ATP8B4: variants seen among roughly 807,000 people sequenced by gnomAD.
The protein encoded by ATP8B4 is ATPase phospholipid transporting 8B4 (putative).
A neutral mutation model predicts 145.6 loss-of-function variants in ATP8B4; 133 were observed. The ratio of observed to expected loss-of-function variants is 0.91; its 90% CI spans 0.79 to 1.05. The LOEUF (loss-of-function observed/expected upper bound fraction) is 1.05, where lower values mean the gene tolerates loss of function less well. Ranked by LOEUF, ATP8B4 falls within the 50% of genes least tolerant of loss-of-function variation. The probability of loss-of-function intolerance (pLI) is 0.00; values close to 1 mark genes in which losing one functional copy is unlikely to be tolerated. For synonymous variants in ATP8B4, 507 were observed against 492.9 expected (o/e 1.03, Z -0.38); for missense variants, 1,458 against 1,425.2 (o/e 1.02, Z -0.37).
chr15:50,054,783 CAAAAAAA>C (rs55783703), intron 3 of ATP8B4, among the ~76,000 whole-genome samples: 2 of 81,836 alleles, frequency 2.4e-5, no homozygotes, highest in Admixed American at 1.8e-4. Context: ...GACTCCGCCT[CAAAAAAA>C]AAAAAAAAAA....
chr15:50,148,840 T>C (rs1485766483), intron 1 of ATP8B4, among the ~76,000 whole-genome samples: 2 of 152,230 alleles, frequency 1.3e-5, no homozygotes, highest in African/African-American at 4.8e-5. Context: ...TCCCAAGTGT[T>C]ATAATTCTGT....
chr15:50,037,464 C>T (rs1183300010), intron 6 of ATP8B4, among the ~76,000 whole-genome samples: 1 of 152,186 alleles, frequency 6.6e-6, no homozygotes, highest in African/African-American at 2.4e-5. Context: ...TACAGAACTC[C>T]TTTAACTTTC....
chr15:50,148,096 GAGA>G lies in ATP8B4; in HGVS notation c.-43+34162_-43+34164del, dbSNP rs148982609. 6.8e-3 allele frequency among the ~76,000 whole-genome samples: 1,036 copies of G among 152,234 alleles called. 6 individuals carry two copies. The highest frequency in any genetic ancestry group is 0.024 in the African/African-American group (1,000 of 41,540). ...CAGATGCCTCCTGGTCTGACACACTGAGAAGGACAGAACACCACTTCTTTAGTG... is the reference window on the plus strand; with the variant it reads ...CAGATGCCTCCTGGTCTGACACACTGAGGACAGAACACCACTTCTTTAGTG... On this transcript the variant is annotated intron_variant, in intron 1 of 3. Transcript: ENST00000558829.
At chr15:50,168,353 T>A (rs770224221) in intron 1 of ATP8B4, among the ~76,000 whole-genome samples, 5 of 151,514 alleles carry the variant, frequency 3.3e-5, no homozygotes, top group Non-Finnish European at 5.9e-5. Flanking sequence ...ACAAATACTG[T>A]GAGTGCCCCA....
In ATP8B4 at chr15:50,002,202, T is replaced by G. The variant is rs770659211; in HGVS notation, c.457A>C (p.Ser153Arg). 1 of 1,610,846 alleles carries G rather than the reference T, an allele frequency of 6.2e-7. No individual in the cohort carries two copies. Residue 153 changes from serine to arginine, a missense_variant, in exon 8 of 28, where the codon AGT (serine) becomes CGT (arginine). Coordinates refer to ENST00000284509, the MANE Select transcript of ATP8B4 (RefSeq NM_024837.4). ...TAACAGAGACCATGTGGCTCACTAC[T>G]TGATAGGAGAAGTAAATCAGCCTAT... is the stretch of plus-strand genomic sequence containing the variant. ...FVAADLLLLS[S>R]SEPHGLCYVE...
At chr15:50,116,772 G>C (rs1308340426) in intron 1 of ATP8B4, among the ~76,000 whole-genome samples, 7 of 151,954 alleles carry the variant, frequency 4.6e-5, no homozygotes, top group Admixed American at 3.9e-4. Context: ...CCCGGCACTG[G>C]GTAGGTACTC....
chr15:50,038,250 TC>T (rs2050989511), intron 6 of ATP8B4, among the ~76,000 whole-genome samples: 1 of 152,194 alleles, frequency 6.6e-6, no homozygotes, highest in Admixed American at 6.5e-5. Flanking sequence ...CTAGCACTGT[TC>T]CCACAAATAC....
intron 6 of ATP8B4, among the ~76,000 whole-genome samples, chr15:50,023,929 T>C (rs1000134039): frequency 1.3e-5 from 2 of 152,118 alleles, no homozygotes; most frequent in African/African-American, 4.8e-5. Flanking sequence ...TCTAGTACAT[T>C]AGTTATCTGA....
intron 25 of ATP8B4, among the ~76,000 whole-genome samples, chr15:49,875,790 C>T (rs577541167): frequency 1.3e-5 from 2 of 152,266 alleles, no homozygotes; most frequent in South Asian, 4.1e-4. Flanking sequence ...AAAAAATCAT[C>T]CCCACCAGAA....
intron 3 of ATP8B4, 110 bp from the exon 4 acceptor site, chr15:50,047,574 CT>C (rs1170037337): frequency 1.4e-6 from 1 of 716,706 alleles, no homozygotes; most frequent in Non-Finnish European, 2.4e-6. Context: ...AGCCGGTTAT[CT>C]AGGAAATTTC....
intron 14 of ATP8B4, among the ~76,000 whole-genome samples, chr15:49,952,044 G>A (rs2043150850): frequency 6.6e-6 from 1 of 152,194 alleles, no homozygotes; most frequent in Non-Finnish European, 1.5e-5. Flanking sequence ...GGCTTGTAGA[G>A]TTTCTGCTGA....
chr15:49,946,061 T>C lies in ATP8B4; in HGVS notation c.1288-11879A>G, dbSNP rs2042536958. On this transcript the variant is annotated intron_variant, in intron 14 of 27. Transcript: ENST00000284509. The stretch of plus-strand genomic sequence containing the variant: ...AATTGGAAAGGAAGAAATAAAAATG[T>C]CCCTATGTGAAGATGATGCTATCTT... 2.0e-5 allele frequency among the ~76,000 whole-genome samples: 3 copies of C among 152,162 alleles called. No homozygotes were observed. In the South Asian group the frequency reaches 6.2e-4, roughly 32 times the overall value.
intron 21 of ATP8B4, among the ~76,000 whole-genome samples, chr15:49,900,847 T>C (rs1263229240): frequency 6.6e-6 from 1 of 152,188 alleles, no homozygotes; most frequent in Admixed American, 6.6e-5. Context: ...TTAGACAAGA[T>C]TGATATTCTG....
intron 1 of ATP8B4, among the ~76,000 whole-genome samples, chr15:50,153,644 A>G (rs897982623): frequency 2.5e-5 from 2 of 79,850 alleles, no homozygotes; most frequent in Admixed American, 1.3e-4. Context: ...GCCTAGACAC[A>G]CCTTAAGGGG....
intron 14 of ATP8B4, among the ~76,000 whole-genome samples, chr15:49,950,089 G>A (rs540182006): frequency 4.6e-4 from 70 of 152,190 alleles, no homozygotes; most frequent in Middle Eastern, 3.4e-3. Context: ...TTTTTGCATC[G>A]ATATTCATCA....
chr15:50,073,406 GAC>G (rs1370698810), intron 3 of ATP8B4, among the ~76,000 whole-genome samples: 18 of 152,170 alleles, frequency 1.2e-4, no homozygotes, highest in Admixed American at 1.0e-3. Context: ...CCTTGCAAAG[GAC>G]ATGAACTCAT....
At chr15:50,117,239 G>C (rs909573556) in intron 1 of ATP8B4, among the ~76,000 whole-genome samples, 1 of 151,898 alleles carries the variant, frequency 6.6e-6, no homozygotes, top group Non-Finnish European at 1.5e-5. Flanking sequence ...TAGTAGAGAG[G>C]GCGTTTCATC....
chr15:49,942,731 A>T (rs1425314704), intron 14 of ATP8B4, among the ~76,000 whole-genome samples: 2 of 152,130 alleles, frequency 1.3e-5, no homozygotes, highest in Non-Finnish European at 2.9e-5. Flanking sequence ...AGGCTGAGGC[A>T]GGAGAATGGC....
At position 49,920,295 on chromosome 15, in the gene ATP8B4, C is replaced by G; in HGVS notation, c.1874G>C (p.Arg625Thr). 1.2e-6 allele frequency: 2 copies of G among 1,614,162 alleles called. No individual in the cohort carries two copies. Among genetic ancestry groups the G allele is most frequent in the South Asian group, 1.1e-5 (1 of 91,080 alleles). Reference protein sequence around the residue: ...LEDANAATEERDERIAGLYEE... With the variant: ...LEDANAATEETDERIAGLYEE... The stretch of plus-strand genomic sequence containing the variant: ...ATATAGCCCAGCTATTCGTTCATCC[C>G]TCTCTTCTGTGGCAGCATTCGCATC... Residue 625 changes from arginine (R) to threonine (T), a missense_variant, in exon 18 of 28, where the codon AGG (arginine) becomes ACG (threonine). Coordinates refer to ENST00000284509, the MANE Select transcript of ATP8B4 (RefSeq NM_024837.4).
Sources: gnomAD v4.1 joint callset for allele counts (sites outside exome capture counted in the v4.1 genomes callset) on GRCh38, gnomAD v4.1.1 for gene constraint, MANE v1.5 for transcripts, NCBI Gene and HGNC (gene_info 2026-07-23, HGNC 2026-07-21) for gene names.